FMN1: variants seen among roughly 807,000 people sequenced by gnomAD.
The protein encoded by FMN1 is formin-1.
A neutral mutation model predicts 132.4 loss-of-function variants in FMN1; 110 were observed. That is an observed-to-expected ratio of 0.83 (90% CI 0.71 to 0.97). The LOEUF is 0.97. FMN1 is among the 50% of genes least tolerant of loss of function. The pLI is 0.00. For synonymous variants in FMN1, 722 were observed against 651.7 expected (o/e 1.11, Z -1.64); for missense variants, 1,792 against 1,705.3 (o/e 1.05, Z -0.90).
chr15:32,786,551 G>C lies in FMN1; in HGVS notation c.4131-9632C>G, dbSNP rs1595907963. 1.3e-5 allele frequency among the ~76,000 whole-genome samples: 2 copies of C among 152,150 alleles called. 1 individual carries two copies. The highest frequency in any genetic ancestry group is 4.2e-4 in the South Asian group (2 of 4,818). ...GAGTGAATATTCACTCCTTTGCCATGATCTCCTTGCAGCTTTGAACTAAGT... is the reference window on the plus strand; with the variant it reads ...GAGTGAATATTCACTCCTTTGCCATCATCTCCTTGCAGCTTTGAACTAAGT... On this transcript the variant is annotated intron_variant, in intron 19 of 20. Transcript: ENST00000616417.
chr15:33,084,509 G>A (rs1469166423), intron 5 of FMN1, among the ~76,000 whole-genome samples: 4 of 152,108 alleles, frequency 2.6e-5, no homozygotes, highest in African/African-American at 4.8e-5. Flanking sequence ...CAAGTAGATC[G>A]TGTCAATTGA....
At chr15:32,964,317 A>G (rs2030969691) in intron 8 of FMN1, 60 bp from the exon 9 acceptor site, 4 of 1,174,230 alleles carry the variant, frequency 3.4e-6, no homozygotes, top group Non-Finnish European at 4.8e-6. Flanking sequence ...ATGTAATACA[A>G]TGAAATCTTT....
chr15:32,929,613 C>A lies in FMN1; in HGVS notation c.3139-3352G>T, dbSNP rs77957894. Among the ~76,000 whole-genome samples, 819 of 152,326 alleles carry A rather than the reference C, an allele frequency of 5.4e-3. 1 individual carries two copies. The highest frequency in any genetic ancestry group is 0.014 in the Middle Eastern group (4 of 294). ...TCGCCGTTGTTCCAGCCCCTGGGAACCACCATTCTACTTTCCATTCCTTTG... is the reference window on the plus strand; with the variant it reads ...TCGCCGTTGTTCCAGCCCCTGGGAAACACCATTCTACTTTCCATTCCTTTG... On this transcript the variant is annotated intron_variant, in intron 9 of 20. Transcript: ENST00000616417.
At chr15:33,142,734 T>C (rs1413749213) in intron 4 of FMN1, among the ~76,000 whole-genome samples, 1 of 152,228 alleles carries the variant, frequency 6.6e-6, no homozygotes, top group Non-Finnish European at 1.5e-5. Flanking sequence ...CAACAGTGCT[T>C]ACACAGAAGG....
At chr15:32,942,511 G>C (rs1248552849) in intron 9 of FMN1, among the ~76,000 whole-genome samples, 1 of 152,186 alleles carries the variant, frequency 6.6e-6, no homozygotes, top group Admixed American at 6.5e-5. Flanking sequence ...ACAAGTGCTG[G>C]AAGTCTGCTC....
At position 32,773,901 on chromosome 15, in the gene FMN1, C is replaced by T. The variant is rs1053353509; in HGVS notation, c.*409G>A. The T allele has an allele frequency of 2.9e-5, 6 of 207,930 alleles. No individual in the cohort carries two copies. Among genetic ancestry groups the T allele is most frequent in the Non-Finnish European group, 5.6e-5 (6 of 106,438 alleles). 12.9% of individuals were successfully genotyped at this position (207,930 alleles called of 1,614,324 possible). ...AAACAGCAGTGTGTAACGACAAAGA[C>T]TTGAACTCTCCCAAGGCAACTGTCC... On this transcript the variant is annotated 3_prime_UTR_variant, in exon 21 of 21. Transcript: ENST00000616417.
chr15:33,023,059 C>CAAA (rs758459713), intron 6 of FMN1, among the ~76,000 whole-genome samples: 674 of 52,888 alleles, frequency 0.013, 5 homozygotes, highest in Non-Finnish European at 0.016. Context: ...CTCCCCCACC[C>CAAA]AAAAAAAAAA....
chr15:32,993,323 G>A (rs1315211099), intron 7 of FMN1, among the ~76,000 whole-genome samples: 3 of 152,096 alleles, frequency 2.0e-5, no homozygotes, highest in African/African-American at 7.2e-5. Context: ...AATTATCATT[G>A]TTCTATGTTT....
chr15:32,810,015 G>A (rs141783050), intron 17 of FMN1, among the ~76,000 whole-genome samples: 1,906 of 152,158 alleles, frequency 0.013, 18 homozygotes, highest in Non-Finnish European at 0.02. Context: ...CATCTCCCGG[G>A]TTCAAGTGAT....
chr15:32,912,154 TC>T (rs1360629021), intron 10 of FMN1, among the ~76,000 whole-genome samples: 7 of 152,218 alleles, frequency 4.6e-5, no homozygotes, highest in African/African-American at 1.7e-4. Flanking sequence ...TTAGATATAA[TC>T]AAATAATCTT....
In FMN1 at chr15:33,161,536, C is replaced by T. The variant is rs1307253469; in HGVS notation, c.-131-6491G>A. 3.3e-5 allele frequency among the ~76,000 whole-genome samples: 5 copies of T among 152,266 alleles called. No homozygotes were observed. The East Asian group carries it at 9.6e-4, about 29-fold the overall frequency. ...CTAGATGGCTTTGAATTCTGCCTCT[C>T]CTGTGTGATTTTGGACAAGTTATTG... On this transcript the variant is annotated intron_variant, in intron 3 of 20. Coordinates refer to ENST00000616417, the MANE Select transcript of FMN1 (RefSeq NM_001277313.2).
chr15:32,907,129 G>A (rs1024574683), intron 12 of FMN1, among the ~76,000 whole-genome samples: 1 of 152,154 alleles, frequency 6.6e-6, no homozygotes, highest in African/African-American at 2.4e-5. Context: ...GCCAGGGGTT[G>A]GGGTTGGAGG....
chr15:32,970,940 G>A (rs1053295825), intron 7 of FMN1: 3 of 152,264 alleles, frequency 2.0e-5, no homozygotes, highest in African/African-American at 4.8e-5. Flanking sequence ...ATGTGGACAC[G>A]GTCTGAGCCA....
At chr15:33,081,663 T>A (rs1378535199) in intron 5 of FMN1, among the ~76,000 whole-genome samples, 1 of 152,192 alleles carries the variant, frequency 6.6e-6, no homozygotes, top group Non-Finnish European at 1.5e-5. Context: ...CCAGAAGTAG[T>A]GGAGCGGTAG....
At chr15:33,073,413 T>G (rs2038074257) in intron 5 of FMN1, among the ~76,000 whole-genome samples, 1 of 151,824 alleles carries the variant, frequency 6.6e-6, no homozygotes, top group African/African-American at 2.4e-5. Flanking sequence ...TAAATAAGAG[T>G]GAGGAAACTA....
intron 4 of FMN1, among the ~76,000 whole-genome samples, chr15:33,119,216 A>T (rs1231255480): frequency 6.6e-6 from 1 of 152,122 alleles, no homozygotes; most frequent in East Asian, 1.9e-4. Flanking sequence ...TCCACCTGCA[A>T]CCCAGAGAAC....
At chr15:33,151,031 C>T (rs1964417684) in intron 4 of FMN1, 1 of 1,170,546 alleles carries the variant, frequency 8.5e-7, no homozygotes. Flanking sequence ...ATGGGCTTCC[C>T]AGCTGCAGGG....
chr15:32,837,672 A>G (rs968940025), intron 17 of FMN1, among the ~76,000 whole-genome samples: 9 of 152,210 alleles, frequency 5.9e-5, no homozygotes, highest in African/African-American at 2.2e-4. Flanking sequence ...TTGATCAGCT[A>G]TATCTAATGC....
At chr15:32,990,277 G>T (rs1027147360) in intron 7 of FMN1, among the ~76,000 whole-genome samples, 1 of 152,124 alleles carries the variant, frequency 6.6e-6, no homozygotes, top group Admixed American at 6.6e-5. Flanking sequence ...AGGCAACACT[G>T]GGAGGGCAGC....
Sources: gnomAD v4.1 joint callset for allele counts (sites outside exome capture counted in the v4.1 genomes callset) on GRCh38, gnomAD v4.1.1 for gene constraint, MANE v1.5 for transcripts, NCBI Gene and HGNC (gene_info 2026-07-23, HGNC 2026-07-21) for gene names.